The following EPM2A variants were observed in gnomAD, a reference collection of about 807,000 sequenced individuals.
EPM2A encodes EPM2A glucan phosphatase, laforin.
EPM2A carries 21 observed loss-of-function variants against 26.5 expected under a neutral mutation model. The observed-to-expected ratio is 0.79, with a 90% CI of 0.56 to 1.14. The LOEUF is 1.14. EPM2A is among the 50% of genes most tolerant of loss of function. EPM2A has a pLI of 0.00. For synonymous variants in EPM2A, 217 were observed against 177.6 expected, an observed-to-expected ratio of 1.22 and a Z score of -1.76; for missense variants, 458 against 440.8, an observed-to-expected ratio of 1.04 and a Z score of -0.35.
intron 4 of EPM2A, among the ~76,000 whole-genome samples, chr6:145,443,432 T>C (rs767904802): frequency 6.6e-6 from 1 of 152,194 alleles, no homozygotes; most frequent in Non-Finnish European, 1.5e-5. Context: ...GTTCTCTTTA[T>C]AGAGATCTTT....
chr6:145,609,522 G>A (rs1452498198), intron 2 of EPM2A, among the ~76,000 whole-genome samples: 2 of 152,066 alleles, frequency 1.3e-5, no homozygotes, highest in Non-Finnish European at 2.9e-5. Flanking sequence ...TGGGAAAGAT[G>A]GCTTATTCTC....
intron 2 of EPM2A, among the ~76,000 whole-genome samples, chr6:145,601,898 A>G (rs574247607): frequency 1.7e-4 from 26 of 152,352 alleles, no homozygotes; most frequent in Admixed American, 1.7e-3. Context: ...TACATTACAA[A>G]TACAAAGTAA....
At chr6:145,689,893 G>A (rs955952956) in intron 1 of EPM2A, among the ~76,000 whole-genome samples, 5 of 152,186 alleles carry the variant, frequency 3.3e-5, no homozygotes, top group African/African-American at 1.2e-4. Context: ...ACCTCCATTT[G>A]GCAGTAACGA....
At chr6:145,613,614 T>G (rs1052857622) in intron 2 of EPM2A, among the ~76,000 whole-genome samples, 1 of 152,228 alleles carries the variant, frequency 6.6e-6, no homozygotes, top group Admixed American at 6.5e-5. Context: ...ACAGAATGAA[T>G]GTCGTGTTGG....
At chr6:145,611,619 C>A (rs1200633682) in intron 2 of EPM2A, among the ~76,000 whole-genome samples, 1 of 151,842 alleles carries the variant, frequency 6.6e-6, no homozygotes, top group Non-Finnish European at 1.5e-5. Context: ...AATGTAATAA[C>A]AATACATTGT....
chr6:145,487,500 A>G (rs1779694026), intron 4 of EPM2A, among the ~76,000 whole-genome samples: 1 of 152,152 alleles, frequency 6.6e-6, no homozygotes, highest in Non-Finnish European at 1.5e-5. Flanking sequence ...CATCGCCAGC[A>G]TCTGTTATTT....
At chr6:145,553,405 G>A (rs1169319865) in intron 2 of EPM2A, among the ~76,000 whole-genome samples, 2 of 152,042 alleles carry the variant, frequency 1.3e-5, no homozygotes, top group African/African-American at 4.8e-5. Flanking sequence ...CTCCTCAGTA[G>A]CGTGGCTAAC....
chr6:145,401,807 G>A (rs1452332730), intron 4 of EPM2A, among the ~76,000 whole-genome samples: 2 of 152,040 alleles, frequency 1.3e-5, no homozygotes, highest in African/African-American at 2.4e-5. Context: ...AAGGATATGG[G>A]AGCCGCCTCA....
intron 4 of EPM2A, among the ~76,000 whole-genome samples, chr6:145,400,081 A>T (rs1778462170): frequency 6.6e-6 from 1 of 152,186 alleles, no homozygotes; most frequent in Non-Finnish European, 1.5e-5. Flanking sequence ...GGCCTAAAAC[A>T]TTTAATTGGT....
At chr6:145,645,585 A>T (rs571846148) in intron 2 of EPM2A, among the ~76,000 whole-genome samples, 1 of 152,038 alleles carries the variant, frequency 6.6e-6, no homozygotes, top group African/African-American at 2.4e-5. Context: ...GATTACAGGG[A>T]TAAGCCACCA....
At chr6:145,546,111 G>A (rs1223450998) in intron 2 of EPM2A, among the ~76,000 whole-genome samples, 1 of 152,138 alleles carries the variant, frequency 6.6e-6, no homozygotes, top group African/African-American at 2.4e-5. Flanking sequence ...CTCACTATCT[G>A]TCATCTGCAA....
At chr6:145,690,137 C>T (rs1336499948) in intron 1 of EPM2A, among the ~76,000 whole-genome samples, 11 of 152,210 alleles carry the variant, frequency 7.2e-5, no homozygotes, top group Middle Eastern at 3.4e-3. Flanking sequence ...GTGTGAGGAA[C>T]CTGGGTAATA....
At position 145,627,258 on chromosome 6, in the gene EPM2A, A is replaced by C; in HGVS notation, c.*158T>G. 6.5e-7 allele frequency: 1 copy of C among 1,537,016 alleles called. No homozygotes were observed. The highest frequency in any genetic ancestry group is 8.7e-7 in the Non-Finnish European group (1 of 1,154,196). On this transcript the variant is annotated 3_prime_UTR_variant, in exon 4 of 4. Transcript: ENST00000367519. ...TATTTCAAAAATACAGCCCCAAAAC[A>C]AAGCATAATCGAAAGTCATCCCAGG...
chr6:145,578,288 C>T (rs1161122455), intron 2 of EPM2A, among the ~76,000 whole-genome samples: 1 of 151,846 alleles, frequency 6.6e-6, no homozygotes, highest in Non-Finnish European at 1.5e-5. Context: ...AATTAGCAAA[C>T]CTTATGCCAG....
chr6:145,428,659 T>G (rs984898629), intron 4 of EPM2A, among the ~76,000 whole-genome samples: 4 of 152,234 alleles, frequency 2.6e-5, no homozygotes, highest in Non-Finnish European at 4.4e-5. Context: ...TTATGTGGGC[T>G]TTATTTGAGG....
intron 2 of EPM2A, among the ~76,000 whole-genome samples, chr6:145,579,003 G>T (rs1307737784): frequency 1.3e-5 from 2 of 152,084 alleles, no homozygotes; most frequent in Admixed American, 6.6e-5. Context: ...GCCTGTGGTG[G>T]GGTGGGGGGA....
chr6:145,398,272 G>T (rs1381215742), intron 4 of EPM2A, among the ~76,000 whole-genome samples: 1 of 152,058 alleles, frequency 6.6e-6, no homozygotes, highest in African/African-American at 2.4e-5. Flanking sequence ...TTATTAGTAA[G>T]GTGCTCTGTT....
intron 4 of EPM2A, among the ~76,000 whole-genome samples, chr6:145,458,328 G>T (rs1218823689): frequency 1.3e-5 from 2 of 151,804 alleles, no homozygotes; most frequent in African/African-American, 2.4e-5. Context: ...ACGCTATTTT[G>T]TCTCTCAGTA....
chr6:145,735,187 G>A lies in EPM2A; in HGVS notation c.301+11C>T. The A allele has an allele frequency of 1.3e-6, 2 of 1,494,138 alleles. No homozygotes were observed. Among genetic ancestry groups the A allele is most frequent in the East Asian group, 2.8e-5 (1 of 35,564 alleles). 92.6% of individuals were successfully genotyped at this position (1,494,138 alleles called of 1,614,324 possible). On this transcript the variant is annotated intron_variant, in intron 1 of 3. Transcript: ENST00000367519. ...CGCTCTGCGCCGGGGGCAGGCGTCT[G>A]CTGGCAATACCTTCCCAGGAGAGCT... is the stretch of plus-strand genomic sequence containing the variant.
Sources: allele counts gnomAD v4.1 joint callset (sites outside exome capture counted in the v4.1 genomes callset), GRCh38; gene constraint gnomAD v4.1.1; transcripts MANE v1.5; gene names NCBI Gene and HGNC (gene_info 2026-07-23, HGNC 2026-07-21).